ATP13A4: variants seen among roughly 807,000 people sequenced by gnomAD.
ATP13A4 encodes probable cation-transporting ATPase 13A4.
In ATP13A4, 114 loss-of-function variants were observed where a neutral mutation model predicts 142.5. The ratio of observed to expected loss-of-function variants is 0.80; its 90% CI spans 0.69 to 0.93. ATP13A4 has a LOEUF of 0.93. ATP13A4 is among the 40% of genes least tolerant of loss of function. The pLI is 0.00. For missense variants in ATP13A4, 1,392 were observed against 1,454.0 expected (o/e 0.96, Z 0.69); for synonymous variants, 488 against 514.8 (o/e 0.95, Z 0.70).
chr3:193,569,621 G>T, intron 2 of ATP13A4, among the ~76,000 whole-genome samples: 1 of 151,536 alleles, frequency 6.6e-6, no homozygotes, highest in Non-Finnish European at 1.5e-5. Flanking sequence ...TCAACCTCCC[G>T]GGCTCAAGCA....
chr3:193,507,240 T>C (rs1252911203), intron 2 of ATP13A4, among the ~76,000 whole-genome samples: 2 of 152,338 alleles, frequency 1.3e-5, no homozygotes, highest in Non-Finnish European at 2.9e-5. Flanking sequence ...TTATGGATAA[T>C]GTAATAATAA....
intron 12 of ATP13A4, among the ~76,000 whole-genome samples, chr3:193,463,329 G>A (rs1207436033): frequency 6.8e-6 from 1 of 147,508 alleles, no homozygotes; most frequent in Admixed American, 7.0e-5. Flanking sequence ...TTTCATAGCA[G>A]AAGTTTAAAA....
chr3:193,507,245 T>C (rs1720907397), intron 2 of ATP13A4, among the ~76,000 whole-genome samples: 1 of 152,204 alleles, frequency 6.6e-6, no homozygotes, highest in African/African-American at 2.4e-5. Context: ...GATAATGTAA[T>C]AATAAATTTC....
At chr3:193,481,197 C>T (rs1434307818) in intron 8 of ATP13A4, among the ~76,000 whole-genome samples, 4 of 152,118 alleles carry the variant, frequency 2.6e-5, no homozygotes, top group African/African-American at 9.7e-5. Flanking sequence ...GTGATGGCTG[C>T]ACCAAAATCT....
intron 1 of ATP13A4, among the ~76,000 whole-genome samples, chr3:193,541,121 C>T (rs1484042717): frequency 1.3e-5 from 2 of 151,474 alleles, no homozygotes; most frequent in Admixed American, 6.6e-5. Flanking sequence ...TGGTGGCAGG[C>T]GCCTGTAGTC....
chr3:193,441,441 A>G (rs1000702242), intron 20 of ATP13A4, 25 bp downstream of exon 20: 1 of 1,613,130 alleles, frequency 6.2e-7, no homozygotes, highest in East Asian at 2.2e-5. Context: ...TTTCATAGGG[A>G]GATTGTCACC....
chr3:193,518,055 A>C (rs1372154238), intron 1 of ATP13A4, among the ~76,000 whole-genome samples: 1 of 152,202 alleles, frequency 6.6e-6, no homozygotes, highest in African/African-American at 2.4e-5. Context: ...TAAAACTTTA[A>C]ATTTGTCCCC....
intron 5 of ATP13A4, 74 bp downstream of exon 5, chr3:193,492,843 T>C: frequency 9.2e-7 from 1 of 1,089,538 alleles, no homozygotes; most frequent in Non-Finnish European, 1.4e-6. Context: ...TTAAGATAAC[T>C]ATTTACTAGC....
intron 1 of ATP13A4, among the ~76,000 whole-genome samples, chr3:193,521,820 C>G (rs149726736): frequency 6.6e-6 from 1 of 152,122 alleles, no homozygotes. Flanking sequence ...GTAATCCCAG[C>G]CACTTGGGAG....
At chr3:193,579,915 T>G (rs887142347) in intron 2 of ATP13A4, among the ~76,000 whole-genome samples, 1 of 152,210 alleles carries the variant, frequency 6.6e-6, no homozygotes, top group Non-Finnish European at 1.5e-5. Flanking sequence ...CATAACATCA[T>G]GGTAATAGAA....
Position 193,465,895 on chromosome 3 carries a change from C to T in ATP13A4, c.1272+130G>A, listed in dbSNP as rs752573505. Reference sequence around the variant, plus strand: ...GCTGACTGGGATCTGGAAGTCTATACGTAGGCATCAGTGCTTGGTTTTGTT... The same window carrying T: ...GCTGACTGGGATCTGGAAGTCTATATGTAGGCATCAGTGCTTGGTTTTGTT... On this transcript the variant is annotated intron_variant, in intron 11 of 29. Transcript: ENST00000342695. 95 of 1,050,968 alleles carry T rather than the reference C, an allele frequency of 9.0e-5. 1 individual carries two copies. The South Asian group carries it at 1.0e-3, about 11-fold the overall frequency. 65.1% of individuals were successfully genotyped at this position (1,050,968 alleles called of 1,614,324 possible).
At chr3:193,412,875 T>C (rs981571296) in intron 26 of ATP13A4, among the ~76,000 whole-genome samples, 1 of 152,032 alleles carries the variant, frequency 6.6e-6, no homozygotes, top group Non-Finnish European at 1.5e-5. Flanking sequence ...TACAAAAAAA[T>C]TAGCTGCACA....
At chr3:193,533,051 T>G (rs1451256940) in intron 1 of ATP13A4, among the ~76,000 whole-genome samples, 1 of 152,154 alleles carries the variant, frequency 6.6e-6, no homozygotes, top group African/African-American at 2.4e-5. Flanking sequence ...TACTTTTCTG[T>G]GTTTTCAAAA....
At position 193,532,180 on chromosome 3, in the gene ATP13A4, C is replaced by T. The variant is rs983737091; in HGVS notation, c.61-17309G>A. Among the ~76,000 whole-genome samples, 4 of 152,064 alleles carry T rather than the reference C, an allele frequency of 2.6e-5. 1 individual carries two copies. The Middle Eastern group carries it at 0.014, about 521-fold the overall frequency. On this transcript the variant is annotated intron_variant, in intron 1 of 29. Transcript: ENST00000342695. Reference sequence around the variant, plus strand: ...TTATCACAATGGCATTTAGGAAGTGCTGACTGATACAGAAAAGGAGACTAC... The same window carrying T: ...TTATCACAATGGCATTTAGGAAGTGTTGACTGATACAGAAAAGGAGACTAC...
At chr3:193,578,857 T>A (rs547556383) in intron 2 of ATP13A4, 2 of 158,290 alleles carry the variant, frequency 1.3e-5, no homozygotes, top group Non-Finnish European at 2.8e-5. Flanking sequence ...CAAATACTAT[T>A]GTGGCTGGGT....
At chr3:193,465,186 C>T (rs764141453) in intron 11 of ATP13A4, 58 bp from the exon 12 acceptor site, 3 of 1,555,350 alleles carry the variant, frequency 1.9e-6, no homozygotes, top group African/African-American at 2.7e-5. Context: ...CAGCATATGA[C>T]TCTTTGCCTT....
At chr3:193,450,444 G>A (rs1323152744) in intron 17 of ATP13A4, among the ~76,000 whole-genome samples, 3 of 152,192 alleles carry the variant, frequency 2.0e-5, no homozygotes, top group Non-Finnish European at 4.4e-5. Context: ...CTGAGAAAAA[G>A]TGGCAGAGAA....
Position 193,573,290 on chromosome 3 carries a change from C to CTTATATATATATATATATAT in ATP13A4, n.291+8416_291+8417insATATATATATATATATATAA, listed in dbSNP as rs1279066051. 2.6e-3 allele frequency among the ~76,000 whole-genome samples: 286 copies of CTTATATATATATATATATAT among 109,858 alleles called. 5 individuals are homozygous for CTTATATATATATATATATAT. Among genetic ancestry groups the CTTATATATATATATATATAT allele is most frequent in the African/African-American group, 0.012 (265 of 22,590 alleles). 72.1% of individuals were successfully genotyped at this position (109,858 alleles called of 152,430 possible). A position where few individuals can be genotyped will look rare whatever the true frequency, so the allele number is the denominator to read the frequency against. On this transcript the variant is annotated intron_variant and non_coding_transcript_variant, in intron 2 of 3. Coordinates refer to the ATP13A4 transcript ENST00000489140. The stretch of plus-strand genomic sequence containing the variant: ...ATATATATATACATATATATATATA[C>CTTATATATATATATATATAT]ACATATATATATATATACATATATA...
At chr3:193,498,839 G>A (rs1720384555) in intron 3 of ATP13A4, among the ~76,000 whole-genome samples, 1 of 152,092 alleles carries the variant, frequency 6.6e-6, no homozygotes, top group Admixed American at 6.5e-5. Flanking sequence ...TTCTCTCTAG[G>A]TATTCTATGT....
Sources: allele counts gnomAD v4.1 joint callset (sites outside exome capture counted in the v4.1 genomes callset), GRCh38; gene constraint gnomAD v4.1.1; transcripts MANE v1.5; gene names NCBI Gene and HGNC (gene_info 2026-07-23, HGNC 2026-07-21).